Variants in RILPL1 observed in about 807,000 individuals in gnomAD.
RILPL1 encodes RILP-like protein 1.
A neutral mutation model predicts 50.3 loss-of-function variants in RILPL1; 33 were observed. That is an observed-to-expected ratio of 0.66 (90% CI 0.50 to 0.88). RILPL1 has a LOEUF of 0.88. RILPL1 is among the 40% of genes least tolerant of loss of function. The pLI is 0.00. For synonymous variants in RILPL1, 205 were observed against 228.6 expected, an observed-to-expected ratio of 0.90 and a Z score of 0.93; for missense variants, 418 against 542.5, an observed-to-expected ratio of 0.77 and a Z score of 2.28.
chr12:123,511,686 G>GGTT (rs1884241417), intron 2 of RILPL1, among the ~76,000 whole-genome samples: 5 of 89,240 alleles, frequency 5.6e-5, no homozygotes, highest in African/African-American at 2.0e-4. Flanking sequence ...GTGGTGTGTG[G>GGTT]TGTGTGTGTG....
At chr12:123,500,173 G>A (rs1387216305) in intron 2 of RILPL1, among the ~76,000 whole-genome samples, 2 of 150,946 alleles carry the variant, frequency 1.3e-5, no homozygotes, top group Middle Eastern at 3.2e-3. Context: ...CTCGTGATCC[G>A]CCCGCCTCGG....
chr12:123,521,634 C>T (rs1242889932), intron 2 of RILPL1, among the ~76,000 whole-genome samples: 750 of 16,218 alleles, frequency 0.046, 22 homozygotes, highest in Admixed American at 0.3. Flanking sequence ...TATATACACA[C>T]ATATGTGTAT....
intron 1 of RILPL1, among the ~76,000 whole-genome samples, chr12:123,532,431 G>A (rs541921983): frequency 6.6e-6 from 1 of 152,168 alleles, no homozygotes; most frequent in African/African-American, 2.4e-5. Flanking sequence ...CAAACAGGGT[G>A]GGGAGGAGAC....
chr12:123,502,932 G>T (rs13303257), intron 2 of RILPL1, among the ~76,000 whole-genome samples: 2 of 152,020 alleles, frequency 1.3e-5, no homozygotes, highest in African/African-American at 4.8e-5. Flanking sequence ...GTGTCACCCA[G>T]GCTGGAGTGC....
Position 123,491,363 on chromosome 12 carries a change from G to T in RILPL1, c.802-5558C>A, listed in dbSNP as rs1882679592. On this transcript the variant is annotated intron_variant, in intron 4 of 6. Coordinates refer to ENST00000376874, the MANE Select transcript of RILPL1 (RefSeq NM_178314.5). The surrounding 1 kb of genome is among the most constrained non-coding windows in gnomAD (Gnocchi z 4.0). ...TTCAGAGCGATACCCTGAGGCCTCA[G>T]CTGCTTCCCAGGAAGGCCCAAGAGA... 6.6e-6 allele frequency among the ~76,000 whole-genome samples: 1 copy of T among 152,210 alleles called. No homozygotes were observed. Among genetic ancestry groups the T allele is most frequent in the African/African-American group, 2.4e-5 (1 of 41,464 alleles).
chr12:123,516,107 A>G (rs990535655), intron 2 of RILPL1, among the ~76,000 whole-genome samples: 1 of 149,698 alleles, frequency 6.7e-6, no homozygotes, highest in Admixed American at 6.7e-5. Context: ...ACTGCTAGTT[A>G]GTGGTCATGT....
intron 6 of RILPL1, among the ~76,000 whole-genome samples, chr12:123,478,381 C>T (rs1451515539): frequency 6.6e-6 from 1 of 152,060 alleles, no homozygotes; most frequent in East Asian, 1.9e-4. Context: ...AAGCCATCTC[C>T]TCTAGAGGTA....
Position 123,522,745 on chromosome 12 carries a change from A to T in RILPL1, c.460+750T>A, listed in dbSNP as rs1449033315. On this transcript the variant is annotated intron_variant, in intron 2 of 6. Coordinates refer to ENST00000376874, the MANE Select transcript of RILPL1 (RefSeq NM_178314.5). The surrounding 1 kb of genome is among the most constrained non-coding windows in gnomAD (Gnocchi z 4.0). Reference sequence around the variant, plus strand: ...GTAGCTCAGACTACAGGTGTGCACCACTGCACCTGGCTTATTTTTAAAAAA... The same window carrying T: ...GTAGCTCAGACTACAGGTGTGCACCTCTGCACCTGGCTTATTTTTAAAAAA... Among the ~76,000 whole-genome samples, 1 of 152,042 alleles carries T rather than the reference A, an allele frequency of 6.6e-6. No individual in the cohort carries two copies. The highest frequency in any genetic ancestry group is 2.4e-5 in the African/African-American group (1 of 41,392).
intron 2 of RILPL1, among the ~76,000 whole-genome samples, chr12:123,517,952 G>C (rs1158692800): frequency 6.6e-6 from 1 of 152,138 alleles, no homozygotes; most frequent in Non-Finnish European, 1.5e-5. Context: ...AAACATGTTA[G>C]GTGAAATAAG....
chr12:123,478,926 C>T (rs1166313760), intron 6 of RILPL1, among the ~76,000 whole-genome samples: 5 of 152,234 alleles, frequency 3.3e-5, no homozygotes, highest in Non-Finnish European at 5.9e-5. Context: ...CCTCTCTGGA[C>T]AGCAGCTGCT....
At chr12:123,477,190 C>T (rs1881650637) in intron 6 of RILPL1, among the ~76,000 whole-genome samples, 1 of 152,112 alleles carries the variant, frequency 6.6e-6, no homozygotes, top group Non-Finnish European at 1.5e-5. Context: ...TTTTGAAAAG[C>T]TATAATTTTT....
chr12:123,528,669 C>T (rs28580741), intron 1 of RILPL1, among the ~76,000 whole-genome samples: 84,409 of 151,904 alleles, frequency 0.56, 25,450 homozygotes, highest in East Asian at 0.9. Flanking sequence ...CCTTGTGATC[C>T]GCCCGCTTCA....
chr12:123,516,677 G>T (rs1443959971), intron 2 of RILPL1, among the ~76,000 whole-genome samples: 3 of 152,160 alleles, frequency 2.0e-5, no homozygotes, highest in Non-Finnish European at 2.9e-5. Context: ...TTGAAAATAG[G>T]GTATTTGCAG....
rs373514624 is a variant in RILPL1, at chr12:123,503,186, C to CTT, written c.461-3652_461-3651dup. Among the ~76,000 whole-genome samples, 645 of 80,686 alleles carry CTT rather than the reference C, an allele frequency of 8.0e-3. 109 individuals carry two copies. Among genetic ancestry groups the CTT allele is most frequent in the African/African-American group, 0.02 (353 of 17,934 alleles). 52.9% of individuals were successfully genotyped at this position (80,686 alleles called of 152,430 possible). A position where few individuals can be genotyped will look rare whatever the true frequency, so the allele number is the denominator to read the frequency against. On this transcript the variant is annotated intron_variant, in intron 2 of 6. Coordinates refer to ENST00000376874, the MANE Select transcript of RILPL1 (RefSeq NM_178314.5). ...ACAGGCGTGAACCACCACGCCTGGC[C>CTT]TTTTTTTTTTTTTTTTTTTTTTTTT...
At chr12:123,487,643 G>C (rs139266786) in intron 4 of RILPL1, among the ~76,000 whole-genome samples, 103 of 152,318 alleles carry the variant, frequency 6.8e-4, no homozygotes, top group African/African-American at 2.5e-3. Context: ...ATATTCCACT[G>C]TACAGATGTA....
chr12:123,511,652 T>C (rs541358769), intron 2 of RILPL1, among the ~76,000 whole-genome samples: 14 of 118,226 alleles, frequency 1.2e-4, no homozygotes, highest in Admixed American at 4.5e-4. Flanking sequence ...GTGTGTGAGA[T>C]CTGTATGTGT....
chr12:123,502,317 C>CGTCG (rs1320461332), intron 2 of RILPL1, among the ~76,000 whole-genome samples: 2 of 152,330 alleles, frequency 1.3e-5, no homozygotes, highest in South Asian at 2.1e-4. Flanking sequence ...GCCGGGCAGA[C>CGTCG]GTCGTAGCAG....
At chr12:123,509,759 C>A (rs1019430408) in intron 2 of RILPL1, among the ~76,000 whole-genome samples, 1 of 152,212 alleles carries the variant, frequency 6.6e-6, no homozygotes, top group Non-Finnish European at 1.5e-5. Flanking sequence ...GGGTCCAGCG[C>A]CCTGCTGCCC....
At chr12:123,495,014 T>C (rs915859761) in intron 4 of RILPL1, among the ~76,000 whole-genome samples, 1 of 152,180 alleles carries the variant, frequency 6.6e-6, no homozygotes, top group African/African-American at 2.4e-5. Flanking sequence ...CTCCCACTTT[T>C]AGTCCATGTG....
Sources: allele counts gnomAD v4.1 joint callset (sites outside exome capture counted in the v4.1 genomes callset), GRCh38; gene constraint gnomAD v4.1.1; non-coding constraint Gnocchi (gnomAD v3.1); transcripts MANE v1.5; gene names NCBI Gene and HGNC (gene_info 2026-07-23, HGNC 2026-07-21).